DACH2: variants seen among roughly 807,000 people sequenced by gnomAD.
DACH2 encodes dachshund family transcription factor 2.
In DACH2, 17 loss-of-function variants were observed where a neutral mutation model predicts 35.8. The observed-to-expected ratio is 0.48, with a 90% confidence interval of 0.33 to 0.71. DACH2 has a LOEUF of 0.71. Ranked by LOEUF, DACH2 falls within the 30% of genes least tolerant of loss-of-function variation. DACH2 has a pLI of 0.02. For missense variants in DACH2, 469 were observed against 472.7 expected, an observed-to-expected ratio of 0.99 and a Z score of 0.07; for synonymous variants, 195 against 177.3, an observed-to-expected ratio of 1.10 and a Z score of -0.79.
intron 11 of DACH2, chrX:86,830,384 C>T (rs949402458): frequency 4.5e-5 from 5 of 111,584 alleles, no homozygotes; most frequent in Admixed American, 9.5e-5. Flanking sequence ...AGTTTTACTA[C>T]GGTGAAATCT....
At chrX:86,414,809 C>G (rs775214103) in intron 2 of DACH2, among the ~76,000 whole-genome samples, 1 of 111,573 alleles carries the variant, frequency 9.0e-6, no homozygotes, top group East Asian at 2.8e-4. Flanking sequence ...ACTCCCTCAA[C>G]TGCAACATTA....
chrX:86,812,915 C>A lies in DACH2; in HGVS notation c.1300C>A (p.Pro434Thr), dbSNP rs755584527. The A allele has an allele frequency of 6.6e-6, 8 of 1,205,549 alleles. No individual in the cohort carries two copies. Among genetic ancestry groups the A allele is most frequent in the Non-Finnish European group, 9.0e-6 (8 of 891,978 alleles). Residue 434 changes from proline (P) to threonine (T), a missense_variant, in exon 8 of 12, where the codon CCT (proline) becomes ACT (threonine). Transcript: ENST00000373125. ...ACCCTTGGACAAGATACAGCTGACT[C>A]CTGGGCAGGCATTGCCCGCTGGATT... ...KSPLDKIQLT[P>T]GQALPAGFPG...
intron 1 of DACH2, among the ~76,000 whole-genome samples, chrX:86,321,197 G>T (rs2035009605): frequency 9.0e-6 from 1 of 111,133 alleles, no homozygotes; most frequent in Non-Finnish European, 1.9e-5. Flanking sequence ...AGACCTCCTT[G>T]GTCCCAACCA....
intron 4 of DACH2, among the ~76,000 whole-genome samples, chrX:86,673,607 G>A (rs2040794810): frequency 9.0e-6 from 1 of 111,279 alleles, no homozygotes; most frequent in Admixed American, 9.6e-5. Flanking sequence ...TTGAGTTAAT[G>A]CTGAAATAAG....
At chrX:86,523,790 A>G (rs1253644596) in intron 3 of DACH2, among the ~76,000 whole-genome samples, 1 of 110,936 alleles carries the variant, frequency 9.0e-6, no homozygotes, top group Non-Finnish European at 1.9e-5. Flanking sequence ...CCTTATATCT[A>G]CTATAGTGAT....
At chrX:86,794,104 C>A (rs1410697972) in intron 7 of DACH2, among the ~76,000 whole-genome samples, 5 of 110,967 alleles carry the variant, frequency 4.5e-5, no homozygotes, top group African/African-American at 1.6e-4. Context: ...AAAACATTTC[C>A]CTGTGATTGA....
At chrX:86,591,683 G>A (rs1049932520) in intron 3 of DACH2, among the ~76,000 whole-genome samples, 9 of 108,870 alleles carry the variant, frequency 8.3e-5, no homozygotes, top group Admixed American at 2.0e-4. Context: ...GACTACAGGC[G>A]TGCAACTCTA....
At chrX:86,169,870 A>T (rs1183749278) in intron 1 of DACH2, among the ~76,000 whole-genome samples, 1 of 110,562 alleles carries the variant, frequency 9.0e-6, no homozygotes, top group Non-Finnish European at 1.9e-5. Flanking sequence ...TCATTTGGTG[A>T]AGTCATGTTT....
intron 1 of DACH2, among the ~76,000 whole-genome samples, chrX:86,165,331 T>C (rs1202631132): frequency 9.0e-6 from 1 of 111,711 alleles, no homozygotes; most frequent in Non-Finnish European, 1.9e-5. Flanking sequence ...TTCCTTTCTT[T>C]TGTGTATATA....
chrX:86,804,601 A>G (rs2042325185), intron 7 of DACH2, among the ~76,000 whole-genome samples: 1 of 112,384 alleles, frequency 8.9e-6, no homozygotes, highest in Non-Finnish European at 1.9e-5. Flanking sequence ...TTTGCAGTCC[A>G]AAGTCTTATC....
intron 1 of DACH2, among the ~76,000 whole-genome samples, chrX:86,327,980 A>G (rs1014400079): frequency 9.0e-6 from 1 of 111,331 alleles, no homozygotes; most frequent in African/African-American, 3.3e-5. Context: ...CTTCCTTATA[A>G]TTTACCACCT....
chrX:86,302,593 C>A (rs1010932683), intron 1 of DACH2, among the ~76,000 whole-genome samples: 8 of 111,180 alleles, frequency 7.2e-5, no homozygotes, highest in Admixed American at 1.9e-4. Context: ...AGAAAGTTTA[C>A]CCAAGTCTCT....
intron 2 of DACH2, among the ~76,000 whole-genome samples, chrX:86,377,528 G>A (rs1474245070): frequency 9.0e-6 from 1 of 110,793 alleles, no homozygotes; most frequent in Non-Finnish European, 1.9e-5. Flanking sequence ...TTAGGTTGTA[G>A]TGGTGAAAAG....
chrX:86,825,291 C>A (rs1234899881), intron 11 of DACH2, among the ~76,000 whole-genome samples: 1 of 110,484 alleles, frequency 9.1e-6, no homozygotes, highest in Admixed American at 9.7e-5. Context: ...ATGGCACACG[C>A]CTGTAGTCCC....
chrX:86,484,187 A>G (rs1157601983), intron 2 of DACH2, among the ~76,000 whole-genome samples: 1 of 111,593 alleles, frequency 9.0e-6, no homozygotes, highest in East Asian at 2.8e-4. Context: ...GGGCTGTTGA[A>G]TTCTCACCAC....
chrX:86,742,302 T>C (rs1266796300), intron 7 of DACH2, among the ~76,000 whole-genome samples: 1 of 111,040 alleles, frequency 9.0e-6, no homozygotes, highest in Non-Finnish European at 1.9e-5. Flanking sequence ...CTCTGAAAAT[T>C]AACATTTTTC....
At chrX:86,475,923 A>G (rs932975298) in intron 2 of DACH2, among the ~76,000 whole-genome samples, 8 of 112,414 alleles carry the variant, frequency 7.1e-5, no homozygotes, top group African/African-American at 2.3e-4. Flanking sequence ...TTCAACATCA[A>G]TGAAAATGAT....
intron 1 of DACH2, among the ~76,000 whole-genome samples, chrX:86,254,567 T>C (rs1440285878): frequency 9.3e-6 from 1 of 107,268 alleles, no homozygotes; most frequent in Non-Finnish European, 1.9e-5. Context: ...TAAAGGATCC[T>C]TGCATCTATT....
chrX:86,763,243 A>T (rs959771048), intron 7 of DACH2, among the ~76,000 whole-genome samples: 1 of 112,123 alleles, frequency 8.9e-6, no homozygotes, highest in East Asian at 2.8e-4. Context: ...TGAGTAAAAA[A>T]ATCCAGATAT....
Sources: gnomAD v4.1 joint callset for allele counts (sites outside exome capture counted in the v4.1 genomes callset) on GRCh38, gnomAD v4.1.1 for gene constraint, MANE v1.5 for transcripts, NCBI Gene and HGNC (gene_info 2026-07-23, HGNC 2026-07-21) for gene names.